Variants in ERBB4 observed in about 807,000 individuals in gnomAD.
The protein encoded by ERBB4 is receptor tyrosine-protein kinase erbB-4.
ERBB4 carries 42 observed loss-of-function variants against 158.0 expected under a neutral mutation model. That is an observed-to-expected ratio of 0.27 (90% CI 0.21 to 0.34). ERBB4 has a LOEUF of 0.34. Ranked by LOEUF, ERBB4 falls within the 10% of genes least tolerant of loss-of-function variation. The pLI, the probability that ERBB4 is intolerant of heterozygous loss-of-function variation, is 1.00. For missense variants in ERBB4, 1,333 were observed against 1,624.1 expected, an observed-to-expected ratio of 0.82 and a Z score of 3.08; for synonymous variants, 583 against 558.7, an observed-to-expected ratio of 1.04 and a Z score of -0.61.
At chr2:212,123,449 C>A (rs915382265) in intron 2 of ERBB4, among the ~76,000 whole-genome samples, 2 of 152,092 alleles carry the variant, frequency 1.3e-5, no homozygotes, top group African/African-American at 2.4e-5. Context: ...AAAGTAAGTT[C>A]TTTTAAGGCC....
intron 2 of ERBB4, among the ~76,000 whole-genome samples, chr2:211,972,347 C>T (rs955231469): frequency 1.3e-5 from 2 of 152,138 alleles, no homozygotes; most frequent in Non-Finnish European, 2.9e-5. Context: ...TTTATAGACT[C>T]AATGCTATTC....
At chr2:212,144,248 C>T (rs896413089) in intron 1 of ERBB4, among the ~76,000 whole-genome samples, 6 of 152,138 alleles carry the variant, frequency 3.9e-5, no homozygotes, top group African/African-American at 1.4e-4. Context: ...CCCTCTTTGG[C>T]AATTGTGTTA....
intron 4 of ERBB4, among the ~76,000 whole-genome samples, chr2:211,770,073 C>T (rs2075652507): frequency 6.6e-6 from 1 of 152,180 alleles, no homozygotes; most frequent in African/African-American, 2.4e-5. Flanking sequence ...AGCATTTTAA[C>T]CTCTACGCCT....
At chr2:211,398,895 T>C (rs574907915) in intron 25 of ERBB4, among the ~76,000 whole-genome samples, 2 of 152,256 alleles carry the variant, frequency 1.3e-5, no homozygotes, top group Non-Finnish European at 2.9e-5. Context: ...AGTCCATTAT[T>C]TGTGGCATTG....
At chr2:211,486,022 C>A (rs1166419928) in intron 20 of ERBB4, among the ~76,000 whole-genome samples, 1 of 151,770 alleles carries the variant, frequency 6.6e-6, no homozygotes. Flanking sequence ...TTATGTTTTT[C>A]TGTATCTATA....
At position 211,531,360 on chromosome 2, in the gene ERBB4, T is replaced by C. The variant is rs144960631; in HGVS notation, c.2487+30543A>G. Among the ~76,000 whole-genome samples the C allele has an allele frequency of 2.5e-3, 385 of 151,960 alleles. 1 individual carries two copies. Among genetic ancestry groups the C allele is most frequent in the Non-Finnish European group, 4.4e-3 (296 of 67,982 alleles). ...AGCTTTTGCACAGCAAAGGGAACAATCAATAAAGTGAAGAGACAACCCACA... is the reference window on the plus strand; with the variant it reads ...AGCTTTTGCACAGCAAAGGGAACAACCAATAAAGTGAAGAGACAACCCACA... On this transcript the variant is annotated intron_variant, in intron 20 of 27. Transcript: ENST00000342788.
intron 20 of ERBB4, among the ~76,000 whole-genome samples, chr2:211,533,206 G>A (rs974122328): frequency 6.6e-6 from 1 of 151,666 alleles, no homozygotes; most frequent in African/African-American, 2.4e-5. Flanking sequence ...AATTCCTTAG[G>A]TGTATACCAT....
chr2:211,835,410 G>A (rs1334279403), intron 3 of ERBB4, among the ~76,000 whole-genome samples: 2 of 137,320 alleles, frequency 1.5e-5, no homozygotes, highest in Non-Finnish European at 3.2e-5. Context: ...AGTTTTATGT[G>A]TTCAGGAAAG....
chr2:212,332,872 C>T (rs1029807038), intron 1 of ERBB4, among the ~76,000 whole-genome samples: 3 of 152,012 alleles, frequency 2.0e-5, no homozygotes. Context: ...TCACTAGAAG[C>T]TGTGATGTAA....
At chr2:211,701,117 A>G (rs923198639) in intron 12 of ERBB4, among the ~76,000 whole-genome samples, 1 of 152,240 alleles carries the variant, frequency 6.6e-6, no homozygotes, top group African/African-American at 2.4e-5. Context: ...CAATGAATCA[A>G]TAAGTAGCAA....
rs1300028553 is a variant in ERBB4, at chr2:212,293,199, AT to A, written c.83-168297del. ...TAAATATATTTCCAAGCATATAAGT[AT>A]TTTTTTAACTTATGATGTGGGAGCT... On this transcript the variant is annotated intron_variant, in intron 1 of 27. Coordinates refer to ENST00000342788, the MANE Select transcript of ERBB4 (RefSeq NM_005235.3). Among the ~76,000 whole-genome samples, 6 of 152,108 alleles carry A rather than the reference AT, an allele frequency of 3.9e-5. No individual in the cohort carries two copies. In the South Asian group the frequency reaches 1.0e-3, roughly 26 times the overall value.
chr2:211,794,373 T>C (rs975850046), intron 3 of ERBB4, among the ~76,000 whole-genome samples: 4 of 151,888 alleles, frequency 2.6e-5, no homozygotes, highest in East Asian at 1.9e-4. Flanking sequence ...CCTTCTTATA[T>C]ATTCTTTTGT....
intron 2 of ERBB4, among the ~76,000 whole-genome samples, chr2:211,952,285 C>T (rs839521): frequency 0.35 from 53,027 of 151,712 alleles, 10,258 homozygotes; most frequent in African/African-American, 0.51. Context: ...TGTGTACTGA[C>T]TACAAATAAA....
chr2:211,554,990 C>T (rs768691790), intron 20 of ERBB4, among the ~76,000 whole-genome samples: 4 of 152,080 alleles, frequency 2.6e-5, no homozygotes, highest in Admixed American at 1.3e-4. Flanking sequence ...TTAGCAACAA[C>T]GATAAAAGAC....
rs373573143 is a variant in ERBB4, at chr2:211,747,721, CT to C, written c.622+2917del. 2.7e-3 allele frequency among the ~76,000 whole-genome samples: 409 copies of C among 148,734 alleles called. 3 individuals are homozygous for C. Among genetic ancestry groups the C allele is most frequent in the African/African-American group, 9.0e-3 (366 of 40,710 alleles). On this transcript the variant is annotated intron_variant, in intron 5 of 27. Coordinates refer to ENST00000342788, the MANE Select transcript of ERBB4 (RefSeq NM_005235.3). Reference sequence around the variant, plus strand: ...AACCCTAATAATCAATGACATACAACTTTTTTTTTTGCATTCTACCCTAATA... The same window carrying C: ...AACCCTAATAATCAATGACATACAACTTTTTTTTTGCATTCTACCCTAATA...
intron 3 of ERBB4, among the ~76,000 whole-genome samples, chr2:211,933,247 T>G (rs998273409): frequency 1.3e-5 from 2 of 152,094 alleles, no homozygotes; most frequent in African/African-American, 2.4e-5. Context: ...GACAGTGTAA[T>G]GCACAGATGT....
At chr2:212,316,980 T>G (rs548576469) in intron 1 of ERBB4, among the ~76,000 whole-genome samples, 367 of 151,686 alleles carry the variant, frequency 2.4e-3, no homozygotes, top group African/African-American at 8.6e-3. Context: ...TAAAGATAAC[T>G]AGATTAAAAT....
chr2:211,801,323 G>A (rs1415022031), intron 3 of ERBB4, among the ~76,000 whole-genome samples: 1 of 152,072 alleles, frequency 6.6e-6, no homozygotes, highest in Non-Finnish European at 1.5e-5. Context: ...TGAACTTACT[G>A]GATTAAATAC....
rs553528814 is a variant in ERBB4 at position 211,419,563 on chromosome 2, C to T, written c.3135+878G>A. ...TCTTATCAATGGAAGAAACTGATTA[C>T]AGACACAAATTTACTACTTCTTCAT... On this transcript the variant is annotated intron_variant, in intron 25 of 27. Coordinates refer to ENST00000342788, the MANE Select transcript of ERBB4 (RefSeq NM_005235.3). Among the ~76,000 whole-genome samples the T allele has an allele frequency of 2.6e-5, 4 of 152,152 alleles. No homozygotes were observed. In the East Asian group the frequency reaches 7.7e-4, roughly 29 times the overall value.
Sources: allele counts gnomAD v4.1 joint callset (sites outside exome capture counted in the v4.1 genomes callset), GRCh38; gene constraint gnomAD v4.1.1; transcripts MANE v1.5; gene names NCBI Gene and HGNC (gene_info 2026-07-23, HGNC 2026-07-21).